Variants in VPS13B observed in about 807,000 individuals in gnomAD.
VPS13B encodes vacuolar protein sorting 13 homolog B.
VPS13B carries 285 observed loss-of-function variants against 426.4 expected under a neutral mutation model. That is an observed-to-expected ratio of 0.67 (90% confidence interval 0.61 to 0.74). The LOEUF (loss-of-function observed/expected upper bound fraction) is 0.74. Ranked by LOEUF, VPS13B falls within the 30% of genes least tolerant of loss-of-function variation. VPS13B has a pLI of 0.00. For synonymous variants in VPS13B, 1,676 were observed against 1,676.4 expected, an observed-to-expected ratio of 1.00 and a Z score of 0.01; for missense variants, 4,537 against 4,782.6, an observed-to-expected ratio of 0.95 and a Z score of 1.51.
chr8:99,026,407 G>A (rs1258819629), intron 2 of VPS13B, among the ~76,000 whole-genome samples: 1 of 152,066 alleles, frequency 6.6e-6, no homozygotes, highest in Admixed American at 6.5e-5. Context: ...TTTTTTGTGT[G>A]CTAATGGCAA....
intron 19 of VPS13B, chr8:99,346,091 C>T (rs1811520967): frequency 6.6e-6 from 1 of 152,280 alleles, no homozygotes. Context: ...CTGTTCAGAG[C>T]ACTGCCAACA....
intron 21 of VPS13B, 110 bp from the exon 22 acceptor site, chr8:99,431,427 A>T: frequency 1.5e-6 from 2 of 1,367,534 alleles, no homozygotes; most frequent in East Asian, 4.9e-5. Context: ...ATCTCATATA[A>T]AAATTATAAT....
chr8:99,520,881 C>T lies in VPS13B; in HGVS notation c.4634-18C>T. The T allele has an allele frequency of 3.7e-6, 6 of 1,606,226 alleles. No individual in the cohort carries two copies. Among genetic ancestry groups the T allele is most frequent in the Non-Finnish European group, 5.1e-6 (6 of 1,173,054 alleles). On this transcript the variant is annotated intron_variant, in intron 29 of 61. Coordinates refer to ENST00000357162, the MANE Select transcript of VPS13B (RefSeq NM_152564.5). ...ACAGATCCACAGTGTATTCATGAATCTCCTTCTTTTGTTACAGCTAATCAG... is the reference window on the plus strand; with the variant it reads ...ACAGATCCACAGTGTATTCATGAATTTCCTTCTTTTGTTACAGCTAATCAG...
chr8:99,054,831 CT>C (rs967925834), intron 3 of VPS13B, among the ~76,000 whole-genome samples: 5 of 152,082 alleles, frequency 3.3e-5, no homozygotes, highest in African/African-American at 1.2e-4. Context: ...GTTGAAGAGT[CT>C]TTTCTTTGCC....
chr8:99,839,200 T>C (rs1312984865), intron 54 of VPS13B, among the ~76,000 whole-genome samples: 1 of 152,238 alleles, frequency 6.6e-6, no homozygotes, highest in Non-Finnish European at 1.5e-5. Context: ...TCTCATGATC[T>C]TTGACTCTTA....
In VPS13B at chr8:99,853,520, C is replaced by T. The variant is rs746534446; in HGVS notation, c.10131C>T (p.Leu3377=). 1.2e-6 allele frequency: 2 copies of T among 1,614,180 alleles called. No homozygotes were observed. The highest frequency in any genetic ancestry group is 1.1e-5 in the South Asian group (1 of 91,080). The change falls in exon 56 of 62, where the codon CTC becomes CTT. Residue 3377 remains leucine (L), a synonymous_variant. Transcript: ENST00000357162. ...TAAGCCTGGCAGTGTTTGATGACCTCACCCACCACAAAGCATCAGCTGAGC... is the reference window on the plus strand; with the variant it reads ...TAAGCCTGGCAGTGTTTGATGACCTTACCCACCACAAAGCATCAGCTGAGC... ...TQLSLAVFDD[L]THHKASAELL... is the part of the protein sequence containing the mutation.
Position 99,871,223 on chromosome 8 carries a change from C to T in VPS13B, c.11496-225C>T, listed in dbSNP as rs959358640. The T allele has an allele frequency of 2.4e-5, 16 of 679,040 alleles. No homozygotes were observed. The East Asian group carries it at 3.8e-4, about 16-fold the overall frequency. The allele number at this position is 679,040 out of a possible 1,614,324, so 42.1% of individuals were successfully genotyped here. A position where few individuals can be genotyped will look rare whatever the true frequency, so the allele number is the denominator to read the frequency against. Reference sequence around the variant, plus strand: ...CTATTTCTAATGGGGAGAAAAGGAGCTAATAAGCAAAACCAAGGGAAATCT... The same window carrying T: ...CTATTTCTAATGGGGAGAAAAGGAGTTAATAAGCAAAACCAAGGGAAATCT... On this transcript the variant is annotated intron_variant, in intron 60 of 61. Transcript: ENST00000357162.
At chr8:99,798,242 A>T (rs1211235072) in intron 43 of VPS13B, among the ~76,000 whole-genome samples, 1 of 151,902 alleles carries the variant, frequency 6.6e-6, no homozygotes, top group Non-Finnish European at 1.5e-5. Context: ...AAAAAAAAAA[A>T]AGGTAGTCTG....
Position 99,778,770 on chromosome 8 carries a change from C to T in VPS13B, c.7518C>T (p.His2506=). ...TGATTGTTTCCTTCAGAGAACCACACATGTATCTTCGACAGTGGAATAATG... is the reference window on the plus strand; with the variant it reads ...TGATTGTTTCCTTCAGAGAACCACATATGTATCTTCGACAGTGGAATAATG... ...EYMIVSFREP[H]MYLRQWNNGS... The change falls in exon 42 of 62, where the codon CAC becomes CAT. Residue 2506 remains histidine (H), a synonymous_variant. Transcript: ENST00000357162. 1.2e-6 allele frequency: 2 copies of T among 1,613,966 alleles called. No individual in the cohort carries two copies. The highest frequency in any genetic ancestry group is 2.2e-5 in the East Asian group (1 of 44,860).
intron 21 of VPS13B, among the ~76,000 whole-genome samples, chr8:99,412,481 G>C (rs763408749): frequency 6.6e-6 from 1 of 152,140 alleles, no homozygotes; most frequent in Non-Finnish European, 1.5e-5. Context: ...CTAAGCTGGT[G>C]GGGTTTTCTA....
intron 39 of VPS13B, among the ~76,000 whole-genome samples, chr8:99,737,483 T>C (rs566966114): frequency 6.6e-6 from 1 of 152,274 alleles, no homozygotes; most frequent in Admixed American, 6.5e-5. Context: ...CATAATATTT[T>C]TGAAATCACC....
Position 99,560,493 on chromosome 8 carries a change from T to C in VPS13B, c.4949+3840T>C, listed in dbSNP as rs148246704. Among the ~76,000 whole-genome samples the C allele has an allele frequency of 3.1e-3, 476 of 152,314 alleles. 3 individuals carry two copies. Among genetic ancestry groups the C allele is most frequent in the African/African-American group, 0.01 (432 of 41,582 alleles). ...GTCCTGAGGACAGAGATCATCGCCA[T>C]CATGTTCATTGATTTATCCCTAGAA... is the stretch of plus-strand genomic sequence containing the variant. On this transcript the variant is annotated intron_variant, in intron 31 of 61. Coordinates refer to ENST00000357162, the MANE Select transcript of VPS13B (RefSeq NM_152564.5).
At chr8:99,625,077 A>G (rs72674698) in intron 33 of VPS13B, among the ~76,000 whole-genome samples, 34,528 of 151,860 alleles carry the variant, frequency 0.23, 4,774 homozygotes, top group East Asian at 0.45. Flanking sequence ...CACCCGCCTC[A>G]GCCTCCCAAA....
rs1167556008 is a variant in VPS13B at position 99,332,432 on chromosome 8, AT to A, written c.2825-51767del. ...CTTTATGCAAGTAAGAGAACAGTTA[AT>A]TTTTTTTTGTTCAATCAGTTCAAGT... On this transcript the variant is annotated intron_variant, in intron 19 of 61. Transcript: ENST00000357162. Among the ~76,000 whole-genome samples, 8 of 151,104 alleles carry A rather than the reference AT, an allele frequency of 5.3e-5. No individual in the cohort carries two copies. The South Asian group carries it at 8.3e-4, about 16-fold the overall frequency.
intron 3 of VPS13B, chr8:99,091,786 T>A (rs1588025487): frequency 6.6e-6 from 1 of 152,182 alleles, no homozygotes; most frequent in Non-Finnish European, 1.5e-5. Flanking sequence ...AGGATAGAGG[T>A]GAATGTTCCT....
chr8:99,605,930 G>C (rs1260922026), intron 33 of VPS13B, among the ~76,000 whole-genome samples: 2 of 152,110 alleles, frequency 1.3e-5, no homozygotes, highest in Non-Finnish European at 2.9e-5. Context: ...AGGTCCCACT[G>C]TATCACCCAG....
chr8:99,819,563 A>G lies in VPS13B; in HGVS notation c.8773A>G (p.Asn2925Asp). The G allele has an allele frequency of 6.2e-7, 1 of 1,613,652 alleles. No homozygotes were observed. The highest frequency in any genetic ancestry group is 8.5e-7 in the Non-Finnish European group (1 of 1,179,804). Reference sequence around the variant, plus strand: ...GTCGCTTCAACCCATATGGCCCTATAATAAGAAGGATTCTGACAGGTAATA... The same window carrying G: ...GTCGCTTCAACCCATATGGCCCTATGATAAGAAGGATTCTGACAGGTAATA... ...EKSLQPIWPY[N>D]KKDSDRNEQL... The change falls in exon 48 of 62, where the codon AAT becomes GAT. Residue 2925 changes from asparagine (N) to aspartate (D), a missense_variant. Physicochemically the swap from Asn to Asp is conservative, Grantham distance 23 (BLOSUM62 1). Around this residue, in one of 2 missense-constraint regions of VPS13B, gnomAD observed 4,311 missense variants for 4,474.3 expected, o/e 0.96. Transcript: ENST00000357162.
At chr8:99,150,630 A>G (rs562784424) in intron 14 of VPS13B, among the ~76,000 whole-genome samples, 97 of 152,174 alleles carry the variant, frequency 6.4e-4, no homozygotes, top group Non-Finnish European at 1.2e-3. Context: ...AGTTGGAATC[A>G]TATAGTATGT....
chr8:99,218,188 G>A (rs976297374), intron 17 of VPS13B, among the ~76,000 whole-genome samples: 8 of 152,142 alleles, frequency 5.3e-5, no homozygotes, highest in African/African-American at 1.7e-4. Context: ...GTCTTGTATT[G>A]CTTACAAGCT....
Sources: gnomAD v4.1 joint callset for allele counts (sites outside exome capture counted in the v4.1 genomes callset) on GRCh38, gnomAD v4.1.1 for gene constraint, gnomAD v4.1.1 regional missense constraint, MANE v1.5 for transcripts, NCBI Gene and HGNC (gene_info 2026-07-23, HGNC 2026-07-21) for gene names.